CFAP299: variants seen among roughly 807,000 people sequenced by gnomAD.
CFAP299 encodes cilia and flagella associated protein 299, also known as cilia- and flagella-associated protein 299.
In CFAP299, 21 loss-of-function variants were observed where a neutral mutation model predicts 27.0. The ratio of observed to expected loss-of-function variants is 0.78; its 90% CI spans 0.55 to 1.12. The LOEUF is 1.12. CFAP299 is among the 50% of genes most tolerant of loss of function. The pLI, the probability that CFAP299 is intolerant of heterozygous loss-of-function variation, is 0.00. For synonymous variants in CFAP299, 104 were observed against 98.1 expected, an observed-to-expected ratio of 1.06 and a Z score of -0.36; for missense variants, 310 against 276.6, an observed-to-expected ratio of 1.12 and a Z score of -0.86.
intron 3 of CFAP299, among the ~76,000 whole-genome samples, chr4:80,583,670 C>T (rs1736287308): frequency 6.6e-6 from 1 of 151,858 alleles, no homozygotes; most frequent in Admixed American, 6.6e-5. Flanking sequence ...GGAGAATATA[C>T]TTTTACTTTA....
intron 3 of CFAP299, among the ~76,000 whole-genome samples, chr4:80,634,301 C>G (rs950869708): frequency 2.0e-5 from 3 of 151,982 alleles, no homozygotes; most frequent in South Asian, 2.1e-4. Flanking sequence ...CTTGAGGTAG[C>G]ACAGCATGGT....
intron 5 of CFAP299, among the ~76,000 whole-genome samples, chr4:80,960,209 C>T (rs1219645656): frequency 6.6e-6 from 1 of 151,618 alleles, no homozygotes; most frequent in Non-Finnish European, 1.5e-5. Context: ...TAGCACATCT[C>T]ATAGCTTCTT....
intron 3 of CFAP299, among the ~76,000 whole-genome samples, chr4:80,845,547 C>A (rs1023231807): frequency 6.6e-6 from 1 of 152,160 alleles, no homozygotes; most frequent in East Asian, 1.9e-4. Context: ...ACAGGCAAGA[C>A]TATTTCCTGC....
chr4:80,568,632 T>C (rs748716600), intron 2 of CFAP299, among the ~76,000 whole-genome samples: 1 of 152,104 alleles, frequency 6.6e-6, no homozygotes, highest in Non-Finnish European at 1.5e-5. Flanking sequence ...ATACAATTTA[T>C]TGAGTCTTTA....
Position 80,404,158 on chromosome 4 carries a change from C to T in CFAP299, c.242+41274C>T, listed in dbSNP as rs143382861. Among the ~76,000 whole-genome samples the T allele has an allele frequency of 6.2e-3, 939 of 152,028 alleles. 2 individuals carry two copies. The highest frequency in any genetic ancestry group is 0.024 in the Middle Eastern group (7 of 294). On this transcript the variant is annotated intron_variant, in intron 2 of 5. Coordinates refer to ENST00000358105, the MANE Select transcript of CFAP299 (RefSeq NM_152770.3). ...TAATTACGTGCTTAGGAAAATTGCT[C>T]CTAAGTGAAATTGCTGGGTCAATGG...
intron 1 of CFAP299, among the ~76,000 whole-genome samples, chr4:80,347,115 A>G (rs1722769313): frequency 1.3e-5 from 2 of 152,170 alleles, no homozygotes; most frequent in African/African-American, 2.4e-5. Flanking sequence ...AATTTTGCAC[A>G]TTGATTTTGT....
intron 3 of CFAP299, among the ~76,000 whole-genome samples, chr4:80,681,298 A>T (rs976717011): frequency 6.6e-6 from 1 of 152,080 alleles, no homozygotes; most frequent in East Asian, 1.9e-4. Context: ...TATGTCTGTT[A>T]ATGTTCCATC....
At chr4:80,950,740 C>A (rs1737735261) in intron 5 of CFAP299, among the ~76,000 whole-genome samples, 1 of 152,128 alleles carries the variant, frequency 6.6e-6, no homozygotes, top group African/African-American at 2.4e-5. Flanking sequence ...TGATGCCTGA[C>A]CTCATCCCAA....
Position 80,346,748 on chromosome 4 carries a change from C to T in CFAP299, c.111+10869C>T, listed in dbSNP as rs1469904142. 5.9e-5 allele frequency among the ~76,000 whole-genome samples: 9 copies of T among 152,224 alleles called. No homozygotes were observed. In the South Asian group the frequency reaches 8.3e-4, roughly 14 times the overall value. On this transcript the variant is annotated intron_variant, in intron 1 of 5. Transcript: ENST00000358105. ...TTCTTTTGGCTTAGGATTGACTTGG[C>T]GATGCGGGCTCTTTTTTGGTTCCAT... is the stretch of plus-strand genomic sequence containing the variant.
intron 2 of CFAP299, among the ~76,000 whole-genome samples, chr4:80,453,578 C>T (rs1237799479): frequency 2.0e-5 from 3 of 152,044 alleles, no homozygotes; most frequent in Admixed American, 6.6e-5. Flanking sequence ...TGGTGGCTCA[C>T]GCCTGTAATC....
chr4:80,400,393 G>T (rs981567600), intron 2 of CFAP299, among the ~76,000 whole-genome samples: 5 of 152,162 alleles, frequency 3.3e-5, no homozygotes, highest in East Asian at 1.9e-4. Flanking sequence ...AGCTTGAATT[G>T]TATCTCCCAG....
At chr4:80,375,153 A>G (rs951753760) in intron 2 of CFAP299, among the ~76,000 whole-genome samples, 2 of 152,178 alleles carry the variant, frequency 1.3e-5, no homozygotes, top group East Asian at 3.9e-4. Flanking sequence ...GAAAATGGCA[A>G]TGCTGGAAGG....
intron 2 of CFAP299, among the ~76,000 whole-genome samples, chr4:80,576,026 G>T (rs1222194350): frequency 6.6e-6 from 1 of 151,824 alleles, no homozygotes; most frequent in Admixed American, 6.6e-5. Flanking sequence ...CACAAACCGG[G>T]GCCTGTTGTG....
intron 1 of CFAP299, among the ~76,000 whole-genome samples, chr4:80,349,389 T>G (rs1247288503): frequency 6.6e-6 from 1 of 152,216 alleles, no homozygotes. Flanking sequence ...TGTTTTAATA[T>G]TTCACATGGA....
At chr4:80,561,829 A>G (rs1735048368) in intron 2 of CFAP299, among the ~76,000 whole-genome samples, 1 of 152,156 alleles carries the variant, frequency 6.6e-6, no homozygotes, top group Non-Finnish European at 1.5e-5. Context: ...AATAGCCTCA[A>G]AAGGGCAAAT....
chr4:80,387,570 G>T, intron 2 of CFAP299: 2 of 1,033,954 alleles, frequency 1.9e-6, no homozygotes, highest in Non-Finnish European at 3.0e-6. Flanking sequence ...GCCTACTGGG[G>T]TTCAGGGCCA....
At chr4:80,910,491 C>T (rs1282411052) in intron 4 of CFAP299, among the ~76,000 whole-genome samples, 1 of 151,920 alleles carries the variant, frequency 6.6e-6, no homozygotes. Flanking sequence ...ACTATGTAGC[C>T]ATAAAAAAGA....
At chr4:80,884,998 C>T (rs1305700605) in intron 4 of CFAP299, among the ~76,000 whole-genome samples, 1 of 152,152 alleles carries the variant, frequency 6.6e-6, no homozygotes, top group Non-Finnish European at 1.5e-5. Context: ...AGCATCCCTC[C>T]CCCATACCCC....
chr4:80,949,833 G>A (rs1737678338), intron 5 of CFAP299, among the ~76,000 whole-genome samples: 1 of 152,100 alleles, frequency 6.6e-6, no homozygotes, highest in Non-Finnish European at 1.5e-5. Flanking sequence ...AATAGGAAAT[G>A]GGGAAATATG....
Sources: allele counts gnomAD v4.1 joint callset (sites outside exome capture counted in the v4.1 genomes callset), GRCh38; gene constraint gnomAD v4.1.1; transcripts MANE v1.5; gene names NCBI Gene and HGNC (gene_info 2026-07-23, HGNC 2026-07-21).